Variants in RAP1GDS1 observed in about 807,000 individuals in gnomAD.
RAP1GDS1 encodes the protein RAP1, GTP-GDP dissociation stimulator 1.
Under a neutral mutation model 71.1 loss-of-function variants are expected in RAP1GDS1, and 35 were observed. That is an observed-to-expected ratio of 0.49 (90% CI 0.38 to 0.65). The LOEUF is 0.65. RAP1GDS1 is among the 30% of genes least tolerant of loss of function. The probability of loss-of-function intolerance (pLI) is 0.00; values close to 1 mark genes in which losing one functional copy is unlikely to be tolerated. For missense variants in RAP1GDS1, 663 were observed against 706.1 expected, an observed-to-expected ratio of 0.94 and a Z score of 0.69; for synonymous variants, 229 against 243.1, an observed-to-expected ratio of 0.94 and a Z score of 0.54.
In RAP1GDS1 at chr4:98,442,680, C is replaced by CT. The variant is rs1752020118; in HGVS notation, c.*568dup. 2 of 227,504 alleles carry CT rather than the reference C, an allele frequency of 8.8e-6. No individual in the cohort carries two copies. Among genetic ancestry groups the CT allele is most frequent in the East Asian group, 1.3e-4 (2 of 15,672 alleles). 14.1% of individuals were successfully genotyped at this position (227,504 alleles called of 1,614,324 possible). ...CTTACTCTTTAACTTCTGGTTTCTC[C>CT]TTTTTCCTTTTTAGACTATTGAAAC... On this transcript the variant is annotated 3_prime_UTR_variant, in exon 15 of 15. Coordinates refer to ENST00000408927, the MANE Select transcript of RAP1GDS1 (RefSeq NM_001100427.2).
intron 8 of RAP1GDS1, 34 bp downstream of exon 8, chr4:98,416,922 G>A: frequency 6.3e-7 from 1 of 1,596,424 alleles, no homozygotes; most frequent in Non-Finnish European, 8.5e-7. Flanking sequence ...AAAGAATGTG[G>A]TTGTCAGATG....
intron 11 of RAP1GDS1, among the ~76,000 whole-genome samples, chr4:98,420,635 T>C (rs1324899590): frequency 6.6e-6 from 1 of 152,188 alleles, no homozygotes; most frequent in Non-Finnish European, 1.5e-5. Context: ...GTGCTGGGAT[T>C]ACAGGTGTGA....
intron 4 of RAP1GDS1, among the ~76,000 whole-genome samples, chr4:98,356,221 A>G (rs965690738): frequency 6.6e-6 from 1 of 152,150 alleles, no homozygotes; most frequent in Non-Finnish European, 1.5e-5. Flanking sequence ...CAGTAGTATT[A>G]TATTTCAGAA....
At chr4:98,382,728 A>G (rs1355310255) in intron 5 of RAP1GDS1, among the ~76,000 whole-genome samples, 2 of 151,580 alleles carry the variant, frequency 1.3e-5, no homozygotes, top group Non-Finnish European at 3.0e-5. Flanking sequence ...TCATTGATTG[A>G]CTTTTTCTGG....
chr4:98,350,550 A>T (rs1252882466), intron 3 of RAP1GDS1, among the ~76,000 whole-genome samples: 3 of 152,112 alleles, frequency 2.0e-5, no homozygotes, highest in African/African-American at 7.2e-5. Context: ...ATAAAAAAAT[A>T]AAAAATTGGC....
chr4:98,289,554 CAAAA>C (rs6148589), intron 1 of RAP1GDS1, among the ~76,000 whole-genome samples: 4 of 101,986 alleles, frequency 3.9e-5, no homozygotes, highest in African/African-American at 1.5e-4. Context: ...CTCTGGTAAA[CAAAA>C]AAAAAAAAAA....
chr4:98,364,092 T>A (rs1303660149), intron 4 of RAP1GDS1, among the ~76,000 whole-genome samples: 2 of 152,126 alleles, frequency 1.3e-5, no homozygotes, highest in Non-Finnish European at 2.9e-5. Context: ...AGATTCTTCA[T>A]AGAGACACAA....
intron 2 of RAP1GDS1, among the ~76,000 whole-genome samples, chr4:98,327,098 T>C (rs1265586106): frequency 6.6e-6 from 1 of 152,222 alleles, no homozygotes; most frequent in African/African-American, 2.4e-5. Context: ...TACAGTACAG[T>C]AGTTTCTATT....
chr4:98,319,197 A>C (rs1244256607), intron 2 of RAP1GDS1, among the ~76,000 whole-genome samples: 1 of 152,170 alleles, frequency 6.6e-6, no homozygotes, highest in Non-Finnish European at 1.5e-5. Flanking sequence ...TTTGCTTAGC[A>C]TGTTCTAGGC....
intron 8 of RAP1GDS1, 85 bp downstream of exon 8, chr4:98,416,973 A>C: frequency 7.0e-7 from 1 of 1,423,892 alleles, no homozygotes; most frequent in Non-Finnish European, 9.6e-7. Flanking sequence ...ACTACCCTAG[A>C]CATTTTCTCA....
chr4:98,273,207 C>T lies in RAP1GDS1; in HGVS notation c.4+11638C>T, dbSNP rs554310868. Reference sequence around the variant, plus strand: ...CATTGTTGATGTTGCTAGTTGTCTCCGCTGCTTTACGACCCATTTTGAACT... The same window carrying T: ...CATTGTTGATGTTGCTAGTTGTCTCTGCTGCTTTACGACCCATTTTGAACT... On this transcript the variant is annotated intron_variant, in intron 1 of 14. Transcript: ENST00000408927. 1.7e-4 allele frequency among the ~76,000 whole-genome samples: 26 copies of T among 152,192 alleles called. 1 individual carries two copies. In the South Asian group the frequency reaches 3.3e-3, roughly 19 times the overall value.
intron 12 of RAP1GDS1, among the ~76,000 whole-genome samples, chr4:98,427,256 C>T (rs1380600738): frequency 6.6e-6 from 1 of 152,108 alleles, no homozygotes; most frequent in Admixed American, 6.6e-5. Flanking sequence ...TCATATCCAA[C>T]ATAATACTGA....
chr4:98,441,522 G>T, intron 14 of RAP1GDS1: 1 of 983,284 alleles, frequency 1.0e-6, no homozygotes, highest in Non-Finnish European at 1.2e-6. Context: ...CAAACCTTGA[G>T]ATCATACAGT....
intron 1 of RAP1GDS1, among the ~76,000 whole-genome samples, chr4:98,264,350 C>T (rs1722432360): frequency 6.6e-6 from 1 of 152,094 alleles, no homozygotes; most frequent in Non-Finnish European, 1.5e-5. Flanking sequence ...GAGCCGAGAT[C>T]ATGCCATTGC....
At chr4:98,335,106 C>A (rs1734526161) in intron 2 of RAP1GDS1, among the ~76,000 whole-genome samples, 1 of 152,050 alleles carries the variant, frequency 6.6e-6, no homozygotes, top group Admixed American at 6.6e-5. Flanking sequence ...GCTGAAGTCC[C>A]CTAGAACCTG....
At chr4:98,360,595 C>G (rs1738595513) in intron 4 of RAP1GDS1, among the ~76,000 whole-genome samples, 1 of 152,104 alleles carries the variant, frequency 6.6e-6, no homozygotes, top group Non-Finnish European at 1.5e-5. Context: ...GAAACCCTGT[C>G]AACACATATT....
chr4:98,400,026 G>T (rs1023294979), intron 6 of RAP1GDS1, among the ~76,000 whole-genome samples: 10 of 152,050 alleles, frequency 6.6e-5, no homozygotes, highest in Admixed American at 6.6e-5. Context: ...GGTGGCACAG[G>T]TGTATAGTCC....
At chr4:98,387,616 T>C (rs562097653) in intron 5 of RAP1GDS1, 2 of 351,086 alleles carry the variant, frequency 5.7e-6, no homozygotes, top group East Asian at 1.5e-4. Context: ...ATAGATCATG[T>C]AGGGCCTGTG....
intron 5 of RAP1GDS1, among the ~76,000 whole-genome samples, chr4:98,388,813 A>G (rs928110579): frequency 1.3e-5 from 2 of 152,302 alleles, no homozygotes; most frequent in Admixed American, 6.5e-5. Context: ...AAAATTATAG[A>G]AGACCTAGAA....
Sources: allele counts gnomAD v4.1 joint callset (sites outside exome capture counted in the v4.1 genomes callset), GRCh38; gene constraint gnomAD v4.1.1; transcripts MANE v1.5; gene names NCBI Gene and HGNC (gene_info 2026-07-23, HGNC 2026-07-21).